ARNT: variants seen among roughly 807,000 people sequenced by gnomAD.
ARNT encodes aryl hydrocarbon receptor nuclear translocator, also known as class E basic helix-loop-helix protein 2.
ARNT carries 30 observed loss-of-function variants against 105.0 expected under a neutral mutation model. The observed-to-expected ratio is 0.29, with a 90% CI of 0.21 to 0.39. ARNT has a LOEUF of 0.39. Among genes scored for constraint, ARNT ranks in the 10% least tolerant of loss-of-function variants. The pLI, the probability that ARNT is intolerant of heterozygous loss-of-function variation, is 1.00. For missense variants in ARNT, 748 were observed against 978.7 expected (o/e 0.76, Z 3.15); for synonymous variants, 304 against 344.0 (o/e 0.88, Z 1.29).
intron 14 of ARNT, among the ~76,000 whole-genome samples, chr1:150,820,535 T>C (rs1245816021): frequency 6.6e-6 from 1 of 152,114 alleles, no homozygotes; most frequent in Non-Finnish European, 1.5e-5. Flanking sequence ...TAGATGTCTG[T>C]AGTCCCAGCT....
chr1:150,830,681 C>G (rs1659209803), intron 10 of ARNT, among the ~76,000 whole-genome samples: 1 of 152,072 alleles, frequency 6.6e-6, no homozygotes, highest in South Asian at 2.1e-4. Flanking sequence ...TAGCAAGCAA[C>G]CCAAAATGAA....
intron 1 of ARNT, among the ~76,000 whole-genome samples, 200 bp from the exon 2 acceptor site, chr1:150,858,660 G>C (rs1453730823): frequency 6.7e-6 from 1 of 149,486 alleles, no homozygotes; most frequent in Non-Finnish European, 1.5e-5. Flanking sequence ...CTGTTGCCTG[G>C]GCTAGAGTGC....
chr1:150,871,721 C>T (rs1667468675), intron 1 of ARNT, among the ~76,000 whole-genome samples: 1 of 148,768 alleles, frequency 6.7e-6, no homozygotes, highest in Admixed American at 6.7e-5. Flanking sequence ...ACCAGCCTGG[C>T]CAACATGGAG....
Position 150,823,198 on chromosome 1 carries a change from C to A in ARNT, c.1390G>T (p.Val464Leu). ...IEYIICTNTN[V>L]KNSSQEPRPT... ...ACACTCCTGTATAATACATACTTCA[C>A]ATTGGTGTTGGTACAGATGATGTAC... The change falls in exon 14 of 22, where the codon GTG (valine) becomes TTG (leucine). Residue 464 changes from valine to leucine, a missense_variant. Around this residue, in one of 4 missense-constraint regions of ARNT, gnomAD observed 360 missense variants for 411.9 expected, o/e 0.87. Coordinates refer to ENST00000358595, the MANE Select transcript of ARNT (RefSeq NM_001668.4). 1 of 1,604,462 alleles carries A rather than the reference C, an allele frequency of 6.2e-7. No homozygotes were observed. The highest frequency in any genetic ancestry group is 1.3e-5 in the African/African-American group (1 of 74,844).
Position 150,859,280 on chromosome 1 carries a change from C to T in ARNT, c.26-820G>A, listed in dbSNP as rs76783068. ...TTGTCTCCCTTTCCTGCCCCCCGTA[C>T]CTCTCCTCTCTCCTTCCAATTCAAT... is the stretch of plus-strand genomic sequence containing the variant. On this transcript the variant is annotated intron_variant, in intron 1 of 21. Transcript: ENST00000358595. Among the ~76,000 whole-genome samples, 1,161 of 147,354 alleles carry T rather than the reference C, an allele frequency of 7.9e-3. 5 individuals are homozygous for T. Among genetic ancestry groups the T allele is most frequent in the Non-Finnish European group, 0.011 (713 of 66,724 alleles).
intron 13 of ARNT, among the ~76,000 whole-genome samples, chr1:150,826,001 C>G (rs2101761818): frequency 6.6e-6 from 1 of 152,150 alleles, no homozygotes; most frequent in African/African-American, 2.4e-5. Context: ...GCAACCTCTG[C>G]CTCCCAGGTT....
rs1016861678 is a variant in ARNT, at chr1:150,809,915, G to A, written c.*2106C>T. 1 of 224,074 alleles carries A rather than the reference G, an allele frequency of 4.5e-6. No individual in the cohort carries two copies. The highest frequency in any genetic ancestry group is 8.9e-6 in the Non-Finnish European group (1 of 111,996). 13.9% of individuals were successfully genotyped at this position (224,074 alleles called of 1,614,324 possible). A position where few individuals can be genotyped will look rare whatever the true frequency, so the allele number is the denominator to read the frequency against. On this transcript the variant is annotated 3_prime_UTR_variant, in exon 22 of 22. Transcript: ENST00000358595. ...CAGGATCAGGAGGACAAGTGAGGGGGGAGGCGTGCAATGTGATCAGAACCC... is the reference window on the plus strand; with the variant it reads ...CAGGATCAGGAGGACAAGTGAGGGGAGAGGCGTGCAATGTGATCAGAACCC...
intron 6 of ARNT, 77 bp downstream of exon 6, chr1:150,839,364 T>A: frequency 6.7e-7 from 1 of 1,481,998 alleles, no homozygotes; most frequent in Non-Finnish European, 9.3e-7. Flanking sequence ...AAAAGCTGAA[T>A]TCTTGTCCAA....
intron 2 of ARNT, among the ~76,000 whole-genome samples, chr1:150,854,284 A>C (rs1664150344): frequency 6.6e-6 from 1 of 152,154 alleles, no homozygotes; most frequent in Non-Finnish European, 1.5e-5. Flanking sequence ...TCAGCCAGGC[A>C]TGGTTGCTCA....
chr1:150,870,028 A>G (rs1667197800), intron 1 of ARNT, among the ~76,000 whole-genome samples: 1 of 152,254 alleles, frequency 6.6e-6, no homozygotes, highest in Admixed American at 6.5e-5. Flanking sequence ...TTCAGTAGGA[A>G]GGTGACTCTA....
At chr1:150,827,601 A>C (rs1209348988) in intron 12 of ARNT, among the ~76,000 whole-genome samples, 1 of 152,136 alleles carries the variant, frequency 6.6e-6, no homozygotes, top group Non-Finnish European at 1.5e-5. Flanking sequence ...AATAGTTTTC[A>C]TTTTTTTGGC....
At chr1:150,813,794 G>C (rs1166235463) in intron 20 of ARNT, among the ~76,000 whole-genome samples, 1 of 151,902 alleles carries the variant, frequency 6.6e-6, no homozygotes, top group Non-Finnish European at 1.5e-5. Context: ...ACAGGCATGC[G>C]GTACCACACC....
Position 150,836,327 on chromosome 1 carries a change from A to G in ARNT, c.653T>C (p.Val218Ala). ...TLYDQVHPDD[V>A]DKLREQLSTS... is the part of the protein sequence containing the mutation. ...GGAAAGCTGCTCACGAAGTTTATCC[A>G]CATCATCTGGGTGCACCTGATCATA... Residue 218 changes from valine to alanine, a missense_variant, in exon 7 of 22, where the codon GTG becomes GCG. Physicochemically the swap from Val to Ala is moderately conservative, Grantham distance 64. Coordinates refer to ENST00000358595, the MANE Select transcript of ARNT (RefSeq NM_001668.4). 1 of 1,614,144 alleles carries G rather than the reference A, an allele frequency of 6.2e-7. No individual in the cohort carries two copies. The highest frequency in any genetic ancestry group is 8.5e-7 in the Non-Finnish European group (1 of 1,180,024).
intron 11 of ARNT, chr1:150,829,492 T>C (rs761042840): frequency 1.5e-5 from 9 of 598,868 alleles, no homozygotes; most frequent in Non-Finnish European, 2.4e-5. Flanking sequence ...ATACTGGCTA[T>C]GCTGAACTCA....
At chr1:150,815,003 G>A (rs1655524583) in intron 19 of ARNT, among the ~76,000 whole-genome samples, 1 of 151,888 alleles carries the variant, frequency 6.6e-6, no homozygotes. Flanking sequence ...AGAAAGTGAA[G>A]GAAAATATAA....
chr1:150,850,703 C>G (rs940472078), intron 3 of ARNT, among the ~76,000 whole-genome samples: 3 of 152,178 alleles, frequency 2.0e-5, no homozygotes, highest in African/African-American at 7.2e-5. Context: ...CTGGCCGCCA[C>G]CCCGTCTGGG....
chr1:150,813,727 CT>C (rs1431577634), intron 20 of ARNT, among the ~76,000 whole-genome samples: 1 of 151,998 alleles, frequency 6.6e-6, no homozygotes, highest in East Asian at 1.9e-4. Flanking sequence ...TCACCGCAAC[CT>C]CTGCCTCCTG....
chr1:150,870,171 G>A (rs587737686), intron 1 of ARNT, among the ~76,000 whole-genome samples: 1 of 152,200 alleles, frequency 6.6e-6, no homozygotes, highest in African/African-American at 2.4e-5. Context: ...CACTCTCTGT[G>A]CCTTAGTTTC....
In ARNT at chr1:150,843,393, CTAAGTA is replaced by C. The variant is rs1465134014; in HGVS notation, c.228-931_228-926del. ...GATAAAGAGGCCCTGAATAAAATGT[CTAAGTA>C]TGACAGGTTAACAAGCTAAAAGATT... On this transcript the variant is annotated intron_variant, in intron 4 of 21. Coordinates refer to ENST00000358595, the MANE Select transcript of ARNT (RefSeq NM_001668.4). Among the ~76,000 whole-genome samples the C allele has an allele frequency of 7.2e-5, 11 of 152,152 alleles. No homozygotes were observed. The East Asian group carries it at 1.7e-3, about 24-fold the overall frequency.
Sources: gnomAD v4.1 joint callset for allele counts (sites outside exome capture counted in the v4.1 genomes callset) on GRCh38, gnomAD v4.1.1 for gene constraint, gnomAD v4.1.1 regional missense constraint, MANE v1.5 for transcripts, NCBI Gene and HGNC (gene_info 2026-07-23, HGNC 2026-07-21) for gene names.